Variants in NPAS3 observed in about 807,000 individuals in gnomAD.
The protein encoded by NPAS3 is neuronal PAS domain protein 3.
A neutral mutation model predicts 73.1 loss-of-function variants in NPAS3; 14 were observed. The observed-to-expected ratio is 0.19, with a 90% confidence interval of 0.13 to 0.30. NPAS3 has a LOEUF of 0.30. Ranked by LOEUF, NPAS3 falls within the 10% of genes least tolerant of loss-of-function variation. NPAS3 has a pLI of 1.00. For synonymous variants in NPAS3, 620 were observed against 541.5 expected (o/e 1.14, Z -2.01); for missense variants, 1,096 against 1,250.0 (o/e 0.88, Z 1.86).
At chr14:33,680,148 C>T (rs1302966960) in intron 6 of NPAS3, among the ~76,000 whole-genome samples, 2 of 152,140 alleles carry the variant, frequency 1.3e-5, no homozygotes, top group Non-Finnish European at 2.9e-5. Flanking sequence ...CATTATTACT[C>T]TTAATGATTC....
At chr14:33,356,450 T>G (rs2045342422) in intron 3 of NPAS3, among the ~76,000 whole-genome samples, 1 of 152,228 alleles carries the variant, frequency 6.6e-6, no homozygotes, top group South Asian at 2.1e-4. Context: ...CACAAGGCAG[T>G]TTTGTGAATA....
At chr14:33,646,486 T>C (rs946167308) in intron 5 of NPAS3, among the ~76,000 whole-genome samples, 1 of 152,210 alleles carries the variant, frequency 6.6e-6, no homozygotes, top group African/African-American at 2.4e-5. Context: ...GTCATAGTTC[T>C]GCCTCCTAGT....
downstream of NPAS3, chr14:33,803,880 G>A (rs1019885446): frequency 6.6e-6 from 1 of 152,036 alleles, no homozygotes; most frequent in African/African-American, 2.4e-5. Context: ...CCAACTCTAC[G>A]ATATATATAT....
intron 4 of NPAS3, among the ~76,000 whole-genome samples, chr14:33,509,057 C>CTT (rs35416014): frequency 9.2e-4 from 135 of 146,350 alleles, no homozygotes; most frequent in South Asian, 2.8e-3. Flanking sequence ...TATCCAACTA[C>CTT]TTTTTTTTTT....
chr14:33,670,739 CT>C (rs1403115649), intron 5 of NPAS3, among the ~76,000 whole-genome samples: 1 of 151,936 alleles, frequency 6.6e-6, no homozygotes, highest in Non-Finnish European at 1.5e-5. Flanking sequence ...ATCTGAAGGC[CT>C]CACCTGGGAA....
intron 3 of NPAS3, among the ~76,000 whole-genome samples, chr14:33,266,563 C>T (rs913904288): frequency 1.3e-5 from 2 of 152,096 alleles, no homozygotes; most frequent in African/African-American, 2.4e-5. Context: ...TAATTATTGC[C>T]TACTGTATCT....
At chr14:33,743,452 A>C (rs2061704962) in intron 7 of NPAS3, among the ~76,000 whole-genome samples, 1 of 152,220 alleles carries the variant, frequency 6.6e-6, no homozygotes, top group Non-Finnish European at 1.5e-5. Flanking sequence ...TCAGTAAACC[A>C]TGATAATATA....
At chr14:33,134,543 T>A (rs2043763755) in intron 2 of NPAS3, among the ~76,000 whole-genome samples, 1 of 152,164 alleles carries the variant, frequency 6.6e-6, no homozygotes, top group African/African-American at 2.4e-5. Context: ...ATTATTTTAA[T>A]TTAGCTTTGG....
chr14:33,760,693 TA>T (rs1238872733), intron 7 of NPAS3, among the ~76,000 whole-genome samples: 1 of 142,520 alleles, frequency 7.0e-6, no homozygotes, highest in Non-Finnish European at 1.5e-5. Flanking sequence ...TATGTCTGCC[TA>T]AACCAAACAA....
intron 4 of NPAS3, among the ~76,000 whole-genome samples, chr14:33,468,838 A>G (rs912675101): frequency 3.9e-5 from 6 of 152,186 alleles, no homozygotes; most frequent in African/African-American, 9.6e-5. Flanking sequence ...ATACTGTCAC[A>G]CAATTCTTTA....
At chr14:33,662,924 G>A (rs533041023) in intron 5 of NPAS3, among the ~76,000 whole-genome samples, 1 of 130,240 alleles carries the variant, frequency 7.7e-6, no homozygotes, top group African/African-American at 3.0e-5. Context: ...GCGGTGGCAC[G>A]ATCTCAGCTC....
intron 4 of NPAS3, among the ~76,000 whole-genome samples, chr14:33,371,847 C>T (rs929745703): frequency 1.3e-5 from 2 of 152,082 alleles, no homozygotes; most frequent in Non-Finnish European, 2.9e-5. Context: ...ATATCATCAT[C>T]GAGTACCCAC....
chr14:33,443,171 T>C (rs533948401), intron 4 of NPAS3, among the ~76,000 whole-genome samples: 1 of 152,312 alleles, frequency 6.6e-6, no homozygotes, highest in Non-Finnish European at 1.5e-5. Flanking sequence ...TAACTATATT[T>C]TGTCTTCCAC....
chr14:33,531,764 T>G (rs898550051), intron 4 of NPAS3, among the ~76,000 whole-genome samples: 2 of 152,260 alleles, frequency 1.3e-5, no homozygotes, highest in Admixed American at 6.5e-5. Context: ...CTTTAAGTGT[T>G]TTCCAGAGGG....
At chr14:33,144,791 G>T (rs2044178420) in intron 2 of NPAS3, among the ~76,000 whole-genome samples, 1 of 151,984 alleles carries the variant, frequency 6.6e-6, no homozygotes, top group African/African-American at 2.4e-5. Flanking sequence ...GGGGAGTCTT[G>T]CTGCATTGCC....
chr14:33,118,793 C>G (rs1306597062), intron 2 of NPAS3, among the ~76,000 whole-genome samples: 1 of 151,822 alleles, frequency 6.6e-6, no homozygotes, highest in Non-Finnish European at 1.5e-5. Flanking sequence ...GAAGGCTGAG[C>G]TTAATATAAC....
intron 2 of NPAS3, among the ~76,000 whole-genome samples, chr14:33,118,767 T>C (rs766515553): frequency 1.3e-5 from 2 of 152,070 alleles, no homozygotes; most frequent in Non-Finnish European, 2.9e-5. Context: ...TTGCTGTGGA[T>C]TTGAAAATAA....
intron 6 of NPAS3, among the ~76,000 whole-genome samples, chr14:33,724,739 T>A (rs1033192340): frequency 1.3e-5 from 2 of 151,746 alleles, no homozygotes; most frequent in Admixed American, 6.6e-5. Context: ...GGTAATTTAA[T>A]GTTTTCTCTC....
intron 4 of NPAS3, among the ~76,000 whole-genome samples, chr14:33,515,260 C>T (rs1392994922): frequency 6.6e-6 from 1 of 152,032 alleles, no homozygotes; most frequent in Non-Finnish European, 1.5e-5. Flanking sequence ...CCTTCTCATT[C>T]CACTCAAGAA....
Sources: gnomAD v4.1 joint callset for allele counts (sites outside exome capture counted in the v4.1 genomes callset) on GRCh38, gnomAD v4.1.1 for gene constraint, MANE v1.5 for transcripts, NCBI Gene and HGNC (gene_info 2026-07-23, HGNC 2026-07-21) for gene names.